NETO1: variants seen among roughly 807,000 people sequenced by gnomAD.
NETO1 encodes the protein neuropilin and tolloid like 1, also known as neuropilin and tolloid-like protein 1.
Under a neutral mutation model 61.3 loss-of-function variants are expected in NETO1, and 26 were observed. That is an observed-to-expected ratio of 0.42 (90% CI 0.31 to 0.59). The LOEUF (loss-of-function observed/expected upper bound fraction) is 0.59. NETO1 is among the 20% of genes least tolerant of loss of function. The pLI, the probability that NETO1 is intolerant of heterozygous loss-of-function variation, is 0.12. For missense variants in NETO1, 531 were observed against 662.8 expected (o/e 0.80, Z 2.18); for synonymous variants, 225 against 225.8 (o/e 1.00, Z 0.03).
At chr18:72,782,109 C>A (rs2071762146) in intron 7 of NETO1, among the ~76,000 whole-genome samples, 1 of 152,146 alleles carries the variant, frequency 6.6e-6, no homozygotes, top group Admixed American at 6.6e-5. Context: ...ATTTGATTTT[C>A]TGTTACTATA....
At chr18:72,833,309 T>A (rs2073639845) in intron 4 of NETO1, among the ~76,000 whole-genome samples, 1 of 152,194 alleles carries the variant, frequency 6.6e-6, no homozygotes, top group Admixed American at 6.5e-5. Flanking sequence ...TTTAGATCTG[T>A]ACTTGAATGC....
chr18:72,787,451 A>G (rs1429393677), intron 6 of NETO1, among the ~76,000 whole-genome samples: 1 of 152,138 alleles, frequency 6.6e-6, no homozygotes, highest in African/African-American at 2.4e-5. Context: ...AAAAAAAGCT[A>G]TTAGACCACC....
intron 4 of NETO1, among the ~76,000 whole-genome samples, chr18:72,814,056 A>C (rs2145230032): frequency 6.6e-6 from 1 of 152,202 alleles, no homozygotes; most frequent in East Asian, 1.9e-4. Context: ...CCAAGAATGA[A>C]GCTGAAGTGA....
chr18:72,801,758 T>G (rs1056082182), intron 4 of NETO1, among the ~76,000 whole-genome samples: 2 of 152,216 alleles, frequency 1.3e-5, no homozygotes, highest in Non-Finnish European at 2.9e-5. Flanking sequence ...TTGAAATCTT[T>G]TGTATTTAAC....
intron 4 of NETO1, among the ~76,000 whole-genome samples, chr18:72,835,660 A>C (rs770939595): frequency 6.6e-6 from 1 of 152,238 alleles, no homozygotes; most frequent in Non-Finnish European, 1.5e-5. Flanking sequence ...TACTCCAAAT[A>C]TAAATGCAGA....
chr18:72,818,375 G>T (rs148473516), intron 4 of NETO1, among the ~76,000 whole-genome samples: 207 of 152,250 alleles, frequency 1.4e-3, no homozygotes, highest in African/African-American at 3.9e-3. Flanking sequence ...TTCTGCCTAT[G>T]GCAACAGGCT....
At chr18:72,826,856 T>C (rs922134832) in intron 4 of NETO1, among the ~76,000 whole-genome samples, 9 of 152,154 alleles carry the variant, frequency 5.9e-5, no homozygotes, top group African/African-American at 1.7e-4. Context: ...CCTCCGATCC[T>C]AGGCTTTTAC....
intron 3 of NETO1, 75 bp downstream of exon 3, chr18:72,864,733 A>G (rs1017361627): frequency 3.8e-6 from 6 of 1,588,992 alleles, no homozygotes; most frequent in Non-Finnish European, 5.2e-6. Flanking sequence ...CTATACGCAT[A>G]TTCTTCATCC....
intron 4 of NETO1, chr18:72,834,280 T>C (rs1320161412): frequency 2.4e-6 from 2 of 823,644 alleles, no homozygotes; most frequent in Non-Finnish European, 2.9e-6. Context: ...ATCCCTACAA[T>C]AATAACAGAA....
chr18:72,834,985 A>G, intron 4 of NETO1: 1 of 833,770 alleles, frequency 1.2e-6, no homozygotes, highest in Non-Finnish European at 1.4e-6. Context: ...TATTACATAA[A>G]ATATAATATT....
intron 8 of NETO1, 109 bp from the exon 9 acceptor site, chr18:72,750,729 T>G: frequency 2.8e-6 from 2 of 712,800 alleles, no homozygotes; most frequent in Non-Finnish European, 4.4e-6. Flanking sequence ...TAAAGCAGGC[T>G]GAGCACAGAA....
intron 7 of NETO1, among the ~76,000 whole-genome samples, chr18:72,762,306 A>G (rs921022034): frequency 1.3e-5 from 2 of 152,126 alleles, no homozygotes; most frequent in Non-Finnish European, 2.9e-5. Context: ...GATTACAGGC[A>G]TGCACCACCA....
At position 72,748,157 on chromosome 18, in the gene NETO1, G is replaced by C; in HGVS notation, c.*22C>G. The C allele has an allele frequency of 1.0e-6, 1 of 981,774 alleles. No individual in the cohort carries two copies. Among genetic ancestry groups the C allele is most frequent in the Non-Finnish European group, 1.2e-6 (1 of 826,246 alleles). The allele number at this position is 981,774 out of a possible 1,614,324, so 60.8% of individuals were successfully genotyped here. On this transcript the variant is annotated 3_prime_UTR_variant, in exon 11 of 11. Transcript: ENST00000327305. ...CACAGTCCCCATGTTTGTATAAATA[G>C]TTCTTCTCTGAAAATAAAAAACAGT...
chr18:72,772,794 T>TCC, intron 7 of NETO1, among the ~76,000 whole-genome samples: 2 of 24,598 alleles, frequency 8.1e-5, no homozygotes, highest in African/African-American at 2.6e-4. Flanking sequence ...TCTATATAGT[T>TCC]CTCTCTCTCT....
chr18:72,849,563 T>C (rs2074190110), intron 4 of NETO1, among the ~76,000 whole-genome samples: 1 of 152,260 alleles, frequency 6.6e-6, no homozygotes. Context: ...CTTCCAGCTT[T>C]TGCCAACTGC....
chr18:72,749,362 T>C (rs2145069850), intron 9 of NETO1, among the ~76,000 whole-genome samples: 1 of 152,280 alleles, frequency 6.6e-6, no homozygotes, highest in African/African-American at 2.4e-5. Flanking sequence ...AAATAATTTT[T>C]CCTAAATTTA....
intron 7 of NETO1, among the ~76,000 whole-genome samples, chr18:72,765,334 C>T (rs1245765352): frequency 6.6e-6 from 1 of 152,138 alleles, no homozygotes; most frequent in Non-Finnish European, 1.5e-5. Context: ...TTGTTGCTTC[C>T]TCTTAAAAAG....
chr18:72,832,064 T>C (rs8090574), intron 4 of NETO1, among the ~76,000 whole-genome samples: 8 of 152,318 alleles, frequency 5.3e-5, no homozygotes, highest in African/African-American at 1.9e-4. Flanking sequence ...AAGTAGGATA[T>C]AAATAGTGTC....
intron 6 of NETO1, among the ~76,000 whole-genome samples, chr18:72,789,663 C>A (rs1009189604): frequency 5.3e-5 from 8 of 152,136 alleles, no homozygotes; most frequent in Non-Finnish European, 8.8e-5. Context: ...TTGGTGAGGG[C>A]AGATGAGGGT....
Sources: allele counts gnomAD v4.1 joint callset (sites outside exome capture counted in the v4.1 genomes callset), GRCh38; gene constraint gnomAD v4.1.1; transcripts MANE v1.5; gene names NCBI Gene and HGNC (gene_info 2026-07-23, HGNC 2026-07-21).